TSHZ2: variants seen among roughly 807,000 people sequenced by gnomAD.
The protein encoded by TSHZ2 is teashirt zinc finger homeobox 2, also known as teashirt homolog 2.
Under a neutral mutation model 74.4 loss-of-function variants are expected in TSHZ2, and 21 were observed. That is an observed-to-expected ratio of 0.28 (90% confidence interval 0.20 to 0.41). The LOEUF is 0.41. TSHZ2 is among the 10% of genes least tolerant of loss of function. The pLI is 1.00. For synonymous variants in TSHZ2, 540 were observed against 515.3 expected, an observed-to-expected ratio of 1.05 and a Z score of -0.65; for missense variants, 1,244 against 1,293.5, an observed-to-expected ratio of 0.96 and a Z score of 0.59.
chr20:53,347,810 A>G (rs1159006406), intron 2 of TSHZ2, among the ~76,000 whole-genome samples: 2 of 152,156 alleles, frequency 1.3e-5, no homozygotes, highest in African/African-American at 2.4e-5. Context: ...TACTTTAATT[A>G]TGGTAAAATA....
At chr20:53,253,367 G>C (rs1990371504) in intron 1 of TSHZ2, 132 bp from the exon 2 acceptor site, 2 of 1,412,282 alleles carry the variant, frequency 1.4e-6, no homozygotes, top group Non-Finnish European at 1.9e-6. Flanking sequence ...TGTGTCCACT[G>C]CTCACAGTGC....
intron 1 of TSHZ2, chr20:53,179,510 C>A (rs1026018227): frequency 6.6e-6 from 1 of 152,210 alleles, no homozygotes; most frequent in African/African-American, 2.4e-5. Context: ...GGTGGACAAA[C>A]TACCTGGACA....
At chr20:53,013,409 G>A (rs1415526591) in intron 1 of TSHZ2, among the ~76,000 whole-genome samples, 1 of 152,016 alleles carries the variant, frequency 6.6e-6, no homozygotes, top group Non-Finnish European at 1.5e-5. Context: ...AATACATAGA[G>A]ACAAGGTACT....
At chr20:53,018,835 T>C (rs1275237668) in intron 1 of TSHZ2, among the ~76,000 whole-genome samples, 3 of 152,186 alleles carry the variant, frequency 2.0e-5, no homozygotes, top group Admixed American at 6.5e-5. Flanking sequence ...TTGTTTCACC[T>C]TGCTAAAAAC....
At chr20:53,374,223 T>C (rs1981579686) in intron 2 of TSHZ2, among the ~76,000 whole-genome samples, 1 of 152,196 alleles carries the variant, frequency 6.6e-6, no homozygotes. Context: ...CTCCTACTTA[T>C]GTATGAGAAC....
At chr20:53,142,005 G>A (rs1227183314) in intron 1 of TSHZ2, among the ~76,000 whole-genome samples, 2 of 152,156 alleles carry the variant, frequency 1.3e-5, no homozygotes, top group African/African-American at 4.8e-5. Context: ...GGCTCTGCTT[G>A]GAAGTTTTAA....
intron 1 of TSHZ2, among the ~76,000 whole-genome samples, chr20:53,001,222 G>GTGTGTGTATGTGTGTGTGTGTGTGTA (rs1568713476): frequency 6.8e-6 from 1 of 147,268 alleles, no homozygotes; most frequent in African/African-American, 2.5e-5. Flanking sequence ...GTGTGTGTGT[G>GTGTGTGTATGTGTGTGTGTGTGTGTA]TGTGTGTGTG....
chr20:53,285,728 AAAAGAAAG>A (rs751891787), intron 2 of TSHZ2, among the ~76,000 whole-genome samples: 1 of 151,480 alleles, frequency 6.6e-6, no homozygotes, highest in Non-Finnish European at 1.5e-5. Context: ...AGAGAAAAAA[AAAAGAAAG>A]AAAGAAAGAA....
At chr20:53,176,024 A>G (rs550712001) in intron 1 of TSHZ2, among the ~76,000 whole-genome samples, 33 of 152,338 alleles carry the variant, frequency 2.2e-4, no homozygotes, top group Admixed American at 5.2e-4. Context: ...ATGAGTGTGC[A>G]CACACCCCTT....
intron 1 of TSHZ2, among the ~76,000 whole-genome samples, chr20:53,144,195 A>C (rs1205065646): frequency 6.6e-6 from 1 of 152,178 alleles, no homozygotes; most frequent in Non-Finnish European, 1.5e-5. Flanking sequence ...GGAAGTTTAG[A>C]ATCTTGCAGC....
intron 1 of TSHZ2, among the ~76,000 whole-genome samples, chr20:53,171,730 T>A (rs1194899235): frequency 6.6e-6 from 1 of 152,134 alleles, no homozygotes; most frequent in African/African-American, 2.4e-5. Flanking sequence ...GGCTAAAACA[T>A]GGTATCAAAA....
chr20:53,193,383 T>C (rs1369549263), intron 1 of TSHZ2, among the ~76,000 whole-genome samples: 1 of 152,170 alleles, frequency 6.6e-6, no homozygotes, highest in Admixed American at 6.5e-5. Flanking sequence ...AGAGCATGTA[T>C]CCTTAGGGGC....
chr20:53,461,263 G>C (rs112091011), intron 2 of TSHZ2, among the ~76,000 whole-genome samples: 3 of 152,200 alleles, frequency 2.0e-5, no homozygotes, highest in African/African-American at 7.2e-5. Flanking sequence ...TTTTAAGCCC[G>C]TCAGAAAAGC....
At chr20:52,976,673 C>T (rs983659808) in intron 1 of TSHZ2, among the ~76,000 whole-genome samples, 9 of 152,278 alleles carry the variant, frequency 5.9e-5, no homozygotes, top group South Asian at 4.2e-4. Context: ...AGCCTCTGTG[C>T]GCGCACATAA....
At chr20:53,325,537 G>A (rs995773726) in intron 2 of TSHZ2, among the ~76,000 whole-genome samples, 6 of 152,252 alleles carry the variant, frequency 3.9e-5, no homozygotes, top group East Asian at 1.9e-4. Context: ...TCCCCTGGGC[G>A]GGACTTCAGT....
chr20:53,385,710 G>A (rs925121069), intron 2 of TSHZ2, among the ~76,000 whole-genome samples: 1 of 152,224 alleles, frequency 6.6e-6, no homozygotes, highest in Admixed American at 6.5e-5. Flanking sequence ...TCCACGGGGA[G>A]CTTCATTCAT....
intron 2 of TSHZ2, among the ~76,000 whole-genome samples, chr20:53,314,203 G>A (rs1427343935): frequency 6.6e-6 from 1 of 151,368 alleles, no homozygotes; most frequent in Non-Finnish European, 1.5e-5. Context: ...CAAGAGAATC[G>A]CTTGAACCTG....
intron 1 of TSHZ2, among the ~76,000 whole-genome samples, chr20:52,986,750 T>C (rs1313426081): frequency 6.6e-6 from 1 of 152,156 alleles, no homozygotes; most frequent in African/African-American, 2.4e-5. Context: ...AATAATAATC[T>C]TAGACTTTTG....
At chr20:53,210,584 C>G (rs1235047850) in intron 1 of TSHZ2, among the ~76,000 whole-genome samples, 3 of 151,746 alleles carry the variant, frequency 2.0e-5, no homozygotes. Flanking sequence ...TCCTTGTCTC[C>G]TCATCTGCTT....
Sources: allele counts gnomAD v4.1 joint callset (sites outside exome capture counted in the v4.1 genomes callset), GRCh38; gene constraint gnomAD v4.1.1; transcripts MANE v1.5; gene names NCBI Gene and HGNC (gene_info 2026-07-23, HGNC 2026-07-21).